The following COPG1 variants were observed in gnomAD, a reference collection of about 807,000 sequenced individuals.
The protein encoded by COPG1 is coatomer subunit gamma-1.
Under a neutral mutation model 102.8 loss-of-function variants are expected in COPG1, and 29 were observed. The observed-to-expected ratio is 0.28, with a 90% CI of 0.21 to 0.38. The LOEUF is 0.38. Among genes scored for constraint, COPG1 ranks in the 10% least tolerant of loss-of-function variants. The pLI, the probability that COPG1 is intolerant of heterozygous loss-of-function variation, is 1.00. For missense variants in COPG1, 875 were observed against 1,132.7 expected, an observed-to-expected ratio of 0.77 and a Z score of 3.27; for synonymous variants, 406 against 421.6, an observed-to-expected ratio of 0.96 and a Z score of 0.45.
chr3:129,256,237 C>A, intron 8 of COPG1, 83 bp downstream of exon 8: 1 of 1,164,028 alleles, frequency 8.6e-7, no homozygotes, highest in Non-Finnish European at 1.3e-6. Flanking sequence ...CACTTGCCAC[C>A]GAGATCCTTG....
rs1232135154 is a variant in COPG1, at chr3:129,271,281, C to G, written c.1844-486C>G. Among the ~76,000 whole-genome samples the G allele has an allele frequency of 1.3e-5, 2 of 152,214 alleles. No individual in the cohort carries two copies. Among genetic ancestry groups the G allele is most frequent in the Non-Finnish European group, 2.9e-5 (2 of 68,040 alleles). On this transcript the variant is annotated intron_variant, in intron 18 of 23. Transcript: ENST00000314797. This position sits in a 1 kb window ranked among gnomAD's most constrained non-coding sequence, Gnocchi z 4.7. ...ATTCTAAGTTAGGTTTTCTGCAACA[C>G]TCTCATTCTGAAATATCTCTTTATT... is the stretch of plus-strand genomic sequence containing the variant.
Position 129,255,047 on chromosome 3 carries a change from T to C in COPG1, c.462T>C (p.Ser154=), listed in dbSNP as rs1939778033. 6.2e-7 allele frequency: 1 copy of C among 1,614,146 alleles called. No homozygotes were observed. Among genetic ancestry groups the C allele is most frequent in the Non-Finnish European group, 8.5e-7 (1 of 1,179,946 alleles). ...MKQAIVDKVP[S]VSSSALVSSL... ...AAGCCATTGTGGACAAGGTGCCCAG[T>C]GTCTCCAGCTCTGCCCTCGTGTCTT... Residue 154 remains serine, a synonymous_variant, in exon 7 of 24, where the codon AGT becomes AGC. Coordinates refer to ENST00000314797, the MANE Select transcript of COPG1 (RefSeq NM_016128.4).
In COPG1 at chr3:129,255,067, T is replaced by A. The variant is rs749706744; in HGVS notation, c.482T>A (p.Val161Glu). 2.5e-6 allele frequency: 4 copies of A among 1,613,548 alleles called. No individual in the cohort carries two copies. Among genetic ancestry groups the A allele is most frequent in the Non-Finnish European group, 2.5e-6 (3 of 1,179,438 alleles). Reference sequence around the variant, plus strand: ...CCCAGTGTCTCCAGCTCTGCCCTCGTGTCTTCCTTGGTGTGTAGTTGCTGC... The same window carrying A: ...CCCAGTGTCTCCAGCTCTGCCCTCGAGTCTTCCTTGGTGTGTAGTTGCTGC... Reference protein sequence around the residue: ...KVPSVSSSALVSSLHLLKCSF... With the variant: ...KVPSVSSSALESSLHLLKCSF... The change falls in exon 7 of 24, where the codon GTG becomes GAG. Residue 161 changes from valine to glutamate, a missense_variant. Val to Glu is a moderately radical substitution (Grantham distance 121). Transcript: ENST00000314797.
rs1053072754 is a variant in COPG1, at chr3:129,275,137, G to C, written c.2396-57G>C. 2.0e-6 allele frequency: 3 copies of C among 1,537,674 alleles called. No homozygotes were observed. In the African/African-American group the frequency reaches 4.1e-5, roughly 21 times the overall value. ...AAGCCCTTCAGAACATGGGGGAGTG[G>C]TGGTGGCACAAAGGGCAGATAAGAT... On this transcript the variant is annotated intron_variant, in intron 22 of 23. Transcript: ENST00000314797. This position sits in a 1 kb window ranked among gnomAD's most constrained non-coding sequence, Gnocchi z 5.0.
chr3:129,250,280 G>C (rs1241165476), intron 1 of COPG1, among the ~76,000 whole-genome samples: 1 of 152,222 alleles, frequency 6.6e-6, no homozygotes, highest in Non-Finnish European at 1.5e-5. Flanking sequence ...TTGCACCCAC[G>C]ATGGAGGAGG....
intron 20 of COPG1, 144 bp downstream of exon 20, chr3:129,272,559 C>T (rs1940203864): frequency 2.7e-6 from 2 of 748,418 alleles, no homozygotes; most frequent in Non-Finnish European, 4.3e-6. Flanking sequence ...AGCTGAGTCC[C>T]AAGTGCTCTT....
At chr3:129,264,106 A>G in intron 13 of COPG1, 107 bp downstream of exon 13, 2 of 926,246 alleles carry the variant, frequency 2.2e-6, no homozygotes, top group Non-Finnish European at 3.5e-6. Context: ...TAGCCTGTTA[A>G]CCAACTGGTT....
At chr3:129,252,747 T>C (rs1409389389) in intron 4 of COPG1, 53 bp downstream of exon 4, 9 of 1,574,964 alleles carry the variant, frequency 5.7e-6, no homozygotes, top group Middle Eastern at 1.7e-4. Context: ...AACAAGGTGG[T>C]GGGAGGGCCA....
chr3:129,260,447 G>C (rs753512743), intron 11 of COPG1, 47 bp downstream of exon 11: 1 of 1,588,806 alleles, frequency 6.3e-7, no homozygotes, highest in Non-Finnish European at 8.6e-7. Context: ...GATCCAACTG[G>C]AGGTGTGTCC....
chr3:129,262,074 C>T (rs6439162), intron 12 of COPG1, among the ~76,000 whole-genome samples: 10,923 of 152,052 alleles, frequency 0.072, 1,223 homozygotes, highest in African/African-American at 0.24. Flanking sequence ...CTGTGGGTTA[C>T]AAGAATGCTT....
At position 129,260,774 on chromosome 3, in the gene COPG1, C is replaced by G. The variant is rs370790853; in HGVS notation, c.1095C>G (p.Ser365=). ...SSIDRLMKQI[S]SFMSEISDEF... ...TCGACCGCCTCATGAAGCAGATCTC[C>G]TCCTTCATGTCAGAAATCTCGGATG... Residue 365 remains serine (S), a synonymous_variant, in exon 12 of 24, where the codon TCC becomes TCG. Coordinates refer to ENST00000314797, the MANE Select transcript of COPG1 (RefSeq NM_016128.4). 3.0e-5 allele frequency: 48 copies of G among 1,612,716 alleles called. No individual in the cohort carries two copies. Among genetic ancestry groups the G allele is most frequent in the Non-Finnish European group, 4.1e-5 (48 of 1,180,014 alleles).
At chr3:129,254,473 A>T in intron 5 of COPG1, 195 bp from the exon 6 acceptor site, 1 of 533,380 alleles carries the variant, frequency 1.9e-6, no homozygotes, top group South Asian at 2.6e-5. Context: ...AAGCAGGGGG[A>T]TGACCTGTTT....
rs752371830 is a variant in COPG1, at chr3:129,255,033, G to T, written c.448G>T (p.Asp150Tyr). ...GCGCTACATGAAACAAGCCATTGTG[G>T]ACAAGGTGCCCAGTGTCTCCAGCTC... The part of the protein sequence containing the change: ...IERYMKQAIV[D>Y]KVPSVSSSAL... The change falls in exon 7 of 24, where the codon GAC becomes TAC. Residue 150 changes from aspartate (D) to tyrosine (Y), a missense_variant. Asp to Tyr is a radical substitution (Grantham distance 160). Coordinates refer to ENST00000314797, the MANE Select transcript of COPG1 (RefSeq NM_016128.4). 6.2e-7 allele frequency: 1 copy of T among 1,614,184 alleles called. No individual in the cohort carries two copies. Among genetic ancestry groups the T allele is most frequent in the Non-Finnish European group, 8.5e-7 (1 of 1,180,030 alleles).
intron 14 of COPG1, among the ~76,000 whole-genome samples, chr3:129,266,159 A>G (rs1465353532): frequency 6.6e-6 from 1 of 151,856 alleles, no homozygotes; most frequent in Non-Finnish European, 1.5e-5. Flanking sequence ...TTTAGTAGAG[A>G]TGGGATTTCA....
At position 129,252,331 on chromosome 3, in the gene COPG1, C is replaced by T; in HGVS notation, c.141C>T (p.Ile47=). 1 of 1,613,058 alleles carries T rather than the reference C, an allele frequency of 6.2e-7. No homozygotes were observed. ...TPINPRKCAH[I]LTKILYLINQ... is the part of the protein sequence containing the mutation. ...TCAACCCTCGGAAATGTGCCCACATCCTCACCAAGATTCTTTATCTCATAA... is the reference window on the plus strand; with the variant it reads ...TCAACCCTCGGAAATGTGCCCACATTCTCACCAAGATTCTTTATCTCATAA... The change falls in exon 3 of 24, where the codon ATC becomes ATT. Residue 47 remains isoleucine (I), a synonymous_variant. Transcript: ENST00000314797.
intron 5 of COPG1, chr3:129,254,191 G>A: frequency 6.5e-6 from 1 of 153,052 alleles, no homozygotes; most frequent in Non-Finnish European, 1.5e-5. Flanking sequence ...CAGCTGCTGG[G>A]GAGGCTGAGG....
At position 129,250,835 on chromosome 3, in the gene COPG1, G is replaced by A. The variant is rs571615441; in HGVS notation, c.90+101G>A. On this transcript the variant is annotated intron_variant, in intron 2 of 23. Transcript: ENST00000314797. ...AAAGTGTTGTTTTAAAGAGCAACAC[G>A]GGAGAAAACTTGTGCCTGGAAGTTT... 261 of 1,096,962 alleles carry A rather than the reference G, an allele frequency of 2.4e-4. 2 individuals are homozygous for A. In the Middle Eastern group the frequency reaches 2.6e-3, roughly 11 times the overall value. The allele number at this position is 1,096,962 out of a possible 1,614,324, so 68.0% of individuals were successfully genotyped here.
chr3:129,262,117 A>G (rs1238196442), intron 12 of COPG1, among the ~76,000 whole-genome samples: 1 of 152,172 alleles, frequency 6.6e-6, no homozygotes, highest in African/African-American at 2.4e-5. Flanking sequence ...AGATTTGCAT[A>G]TTAGATCCTT....
chr3:129,259,671 A>G (rs986507778), intron 10 of COPG1, among the ~76,000 whole-genome samples: 15 of 152,204 alleles, frequency 9.9e-5, no homozygotes, highest in African/African-American at 3.4e-4. Flanking sequence ...TAGATATTCC[A>G]GAAAACAGTA....
Sources: gnomAD v4.1 joint callset for allele counts (sites outside exome capture counted in the v4.1 genomes callset) on GRCh38, gnomAD v4.1.1 for gene constraint, Gnocchi (gnomAD v3.1) non-coding constraint, MANE v1.5 for transcripts, NCBI Gene and HGNC (gene_info 2026-07-23, HGNC 2026-07-21) for gene names.